ATP10A: variants seen among roughly 807,000 people sequenced by gnomAD.
ATP10A encodes the protein ATPase phospholipid transporting 10A (putative).
Under a neutral mutation model 147.8 loss-of-function variants are expected in ATP10A, and 111 were observed. The observed-to-expected ratio is 0.75, with a 90% CI of 0.64 to 0.88. The LOEUF (loss-of-function observed/expected upper bound fraction) is 0.88, where lower values mean the gene tolerates loss of function less well. Among genes scored for constraint, ATP10A ranks in the 40% least tolerant of loss-of-function variants. The pLI is 0.00. For missense variants in ATP10A, 1,927 were observed against 1,959.0 expected, an observed-to-expected ratio of 0.98 and a Z score of 0.31; for synonymous variants, 875 against 841.6, an observed-to-expected ratio of 1.04 and a Z score of -0.69.
intron 1 of ATP10A, among the ~76,000 whole-genome samples, chr15:25,847,618 T>C (rs1490637836): frequency 1.7e-5 from 1 of 60,274 alleles, no homozygotes; most frequent in Non-Finnish European, 3.0e-5. Flanking sequence ...CCTTTTTTTT[T>C]TTTTTTTTTT....
intron 2 of ATP10A, among the ~76,000 whole-genome samples, chr15:25,780,708 G>A (rs1425719947): frequency 6.6e-6 from 1 of 152,150 alleles, no homozygotes; most frequent in Non-Finnish European, 1.5e-5. Flanking sequence ...GAAACAGCTA[G>A]GTACGTGTTG....
intron 4 of ATP10A, among the ~76,000 whole-genome samples, chr15:25,726,569 G>A (rs1314643463): frequency 1.3e-5 from 2 of 151,732 alleles, no homozygotes; most frequent in East Asian, 3.9e-4. Flanking sequence ...GGCCTCCCTA[G>A]TAGCTGGGAC....
intron 13 of ATP10A, among the ~76,000 whole-genome samples, chr15:25,696,085 C>A (rs56132840): frequency 6.6e-6 from 1 of 152,164 alleles, no homozygotes; most frequent in Non-Finnish European, 1.5e-5. Flanking sequence ...GGAACAAACA[C>A]GCTCCGGGGA....
At chr15:25,699,634 C>T (rs930116937) in intron 13 of ATP10A, among the ~76,000 whole-genome samples, 1 of 152,010 alleles carries the variant, frequency 6.6e-6, no homozygotes, top group Non-Finnish European at 1.5e-5. Context: ...TTTGAGAGGC[C>T]GAGGCAGGAC....
At chr15:25,808,547 G>T (rs972035170) in intron 1 of ATP10A, among the ~76,000 whole-genome samples, 1 of 152,192 alleles carries the variant, frequency 6.6e-6, no homozygotes, top group African/African-American at 2.4e-5. Context: ...ACCACGCCTG[G>T]CTAATTTTGT....
At chr15:25,735,783 C>G (rs1887232712) in intron 3 of ATP10A, among the ~76,000 whole-genome samples, 1 of 152,176 alleles carries the variant, frequency 6.6e-6, no homozygotes, top group Non-Finnish European at 1.5e-5. Flanking sequence ...CCATCACCTA[C>G]CCGGGGCCTG....
At chr15:25,747,502 C>A (rs1338843436) in intron 2 of ATP10A, among the ~76,000 whole-genome samples, 2 of 151,374 alleles carry the variant, frequency 1.3e-5, no homozygotes, top group Non-Finnish European at 2.9e-5. Context: ...AATTAAAAGA[C>A]AAATCTAGGA....
chr15:25,844,011 T>G (rs1046185266), intron 1 of ATP10A, among the ~76,000 whole-genome samples: 3 of 152,124 alleles, frequency 2.0e-5, no homozygotes, highest in African/African-American at 7.2e-5. Flanking sequence ...CCACAGTGGA[T>G]ACCTGTGTTC....
At chr15:25,833,600 G>A (rs1892461862) in intron 1 of ATP10A, among the ~76,000 whole-genome samples, 1 of 152,172 alleles carries the variant, frequency 6.6e-6, no homozygotes, top group Admixed American at 6.5e-5. Context: ...ACATGCGCCG[G>A]GCAGTATTCC....
intron 1 of ATP10A, among the ~76,000 whole-genome samples, chr15:25,809,243 A>T (rs1352927046): frequency 6.6e-6 from 1 of 152,042 alleles, no homozygotes; most frequent in East Asian, 1.9e-4. Context: ...GCCCTGCAGG[A>T]TGTCACATGA....
rs759871370 is a variant in ATP10A, at chr15:25,718,310, C to G, written c.1453G>C (p.Gly485Arg). ...ACCACCCGGACACTCTGGTGGCTGCCGATGCTGCCGCGCTGGGACACCGAG... is the reference window on the plus strand; with the variant it reads ...ACCACCCGGACACTCTGGTGGCTGCGGATGCTGCCGCGCTGGGACACCGAG... ...GGSVSQRGSIGSHQSVRVVHR... is the reference protein window; with the variant it reads ...GGSVSQRGSIRSHQSVRVVHR... The change falls in exon 8 of 21, where the codon GGC becomes CGC. Residue 485 changes from glycine to arginine, a missense_variant. Coordinates refer to ENST00000555815, the MANE Select transcript of ATP10A (RefSeq NM_024490.4). 6.2e-7 allele frequency: 1 copy of G among 1,611,398 alleles called. No homozygotes were observed. Among genetic ancestry groups the G allele is most frequent in the Non-Finnish European group, 8.5e-7 (1 of 1,179,766 alleles).
chr15:25,712,216 A>G lies in ATP10A; in HGVS notation c.2344+1458T>C, dbSNP rs1056870013. Reference sequence around the variant, plus strand: ...GAGTGTGAAATGTGGTCCTTCTTTTATGAAATAATGGCTGATGGTATTAGT... The same window carrying G: ...GAGTGTGAAATGTGGTCCTTCTTTTGTGAAATAATGGCTGATGGTATTAGT... On this transcript the variant is annotated intron_variant, in intron 10 of 20. Transcript: ENST00000555815. 2.6e-5 allele frequency among the ~76,000 whole-genome samples: 4 copies of G among 152,234 alleles called. No individual in the cohort carries two copies. The East Asian group carries it at 7.7e-4, about 29-fold the overall frequency.
rs562174914 is a variant in ATP10A at position 25,808,776 on chromosome 15, A to G, written c.450-27553T>C. On this transcript the variant is annotated intron_variant, in intron 1 of 20. Transcript: ENST00000555815. The stretch of plus-strand genomic sequence containing the variant: ...TGGGTGGCTGACCTGGATCTATATT[A>G]TCTTTGTGCCAGTATACCAACTTTA... 9.2e-5 allele frequency among the ~76,000 whole-genome samples: 14 copies of G among 152,302 alleles called. No individual in the cohort carries two copies. In the South Asian group the frequency reaches 2.9e-3, roughly 32 times the overall value.
chr15:25,777,332 G>C (rs751347833), intron 2 of ATP10A, among the ~76,000 whole-genome samples: 1 of 152,114 alleles, frequency 6.6e-6, no homozygotes, highest in Non-Finnish European at 1.5e-5. Context: ...CCACTGCAGC[G>C]AGGGCCTGGC....
At chr15:25,774,040 T>G (rs1290016193) in intron 2 of ATP10A, among the ~76,000 whole-genome samples, 1 of 100,874 alleles carries the variant, frequency 9.9e-6, no homozygotes, top group African/African-American at 3.4e-5. Context: ...TAAATTCCCG[T>G]TTTTTTTTTT....
downstream of ATP10A, among the ~76,000 whole-genome samples, chr15:25,672,772 G>A (rs1280594035): frequency 6.6e-6 from 1 of 152,142 alleles, no homozygotes; most frequent in African/African-American, 2.4e-5. Flanking sequence ...TCCTTGTTAT[G>A]AGATTTTATA....
chr15:25,703,876 G>A (rs1900817059), intron 12 of ATP10A, among the ~76,000 whole-genome samples: 1 of 152,196 alleles, frequency 6.6e-6, no homozygotes, highest in Non-Finnish European at 1.5e-5. Context: ...GGAACTTGGG[G>A]AGGGCCCAGA....
At chr15:25,858,571 C>G (rs749908539) in intron 1 of ATP10A, among the ~76,000 whole-genome samples, 1 of 152,098 alleles carries the variant, frequency 6.6e-6, no homozygotes, top group African/African-American at 2.4e-5. Context: ...GCATGAAGGG[C>G]AGGGGACACG....
chr15:25,738,936 CTTGGCCTCTGAGCT>C, intron 2 of ATP10A, among the ~76,000 whole-genome samples: 1 of 152,222 alleles, frequency 6.6e-6, no homozygotes, highest in East Asian at 1.9e-4. Flanking sequence ...CTGGAGCTTT[CTTGGCCTCTGAGCT>C]ATCAGCTCAA....
Sources: allele counts gnomAD v4.1 joint callset (sites outside exome capture counted in the v4.1 genomes callset), GRCh38; gene constraint gnomAD v4.1.1; transcripts MANE v1.5; gene names NCBI Gene and HGNC (gene_info 2026-07-23, HGNC 2026-07-21).